The following RAP1GDS1 variants were observed in gnomAD, a reference collection of about 807,000 sequenced individuals.
RAP1GDS1 encodes Rap1 GTPase-GDP dissociation stimulator 1.
Under a neutral mutation model 71.1 loss-of-function variants are expected in RAP1GDS1, and 35 were observed. The observed-to-expected ratio is 0.49, with a 90% CI of 0.38 to 0.65. RAP1GDS1 has a LOEUF of 0.65. RAP1GDS1 is among the 30% of genes least tolerant of loss of function. RAP1GDS1 has a pLI of 0.00. For synonymous variants in RAP1GDS1, 229 were observed against 243.1 expected (o/e 0.94, Z 0.54); for missense variants, 663 against 706.1 (o/e 0.94, Z 0.69).
rs2110239009 is a variant in RAP1GDS1, at chr4:98,443,828, T to G, written c.*1711T>G. 1 of 179,264 alleles carries G rather than the reference T, an allele frequency of 5.6e-6. No individual in the cohort carries two copies. Among genetic ancestry groups the G allele is most frequent in the South Asian group, 2.0e-4 (1 of 5,058 alleles). The allele number at this position is 179,264 out of a possible 1,614,324, so 11.1% of individuals were successfully genotyped here. On this transcript the variant is annotated 3_prime_UTR_variant, in exon 15 of 15. Transcript: ENST00000408927. ...CTGTAATGTTGCATATCTGTTCATA[T>G]TAATAACTTAATAAATAGTATATGA...
At chr4:98,390,360 A>T (rs1266991012) in intron 5 of RAP1GDS1, among the ~76,000 whole-genome samples, 2 of 152,184 alleles carry the variant, frequency 1.3e-5, no homozygotes, top group Non-Finnish European at 2.9e-5. Context: ...TTAGTTGAGT[A>T]TATTTTAATT....
intron 1 of RAP1GDS1, among the ~76,000 whole-genome samples, chr4:98,266,744 G>A (rs1722762639): frequency 6.6e-6 from 1 of 152,074 alleles, no homozygotes; most frequent in African/African-American, 2.4e-5. Context: ...ACTATCCTTG[G>A]TAGTCATATT....
At chr4:98,337,315 CT>C (rs1306432341) in intron 2 of RAP1GDS1, among the ~76,000 whole-genome samples, 2 of 152,158 alleles carry the variant, frequency 1.3e-5, no homozygotes, top group Non-Finnish European at 2.9e-5. Context: ...AGTTGTCTTA[CT>C]TTAGTTCTTA....
intron 2 of RAP1GDS1, among the ~76,000 whole-genome samples, chr4:98,339,509 A>C (rs1158363993): frequency 6.6e-6 from 1 of 152,172 alleles, no homozygotes; most frequent in East Asian, 1.9e-4. Context: ...GGCTACAGAT[A>C]GTGAAGAGTC....
intron 1 of RAP1GDS1, among the ~76,000 whole-genome samples, chr4:98,273,697 T>C (rs1007200571): frequency 5.9e-5 from 9 of 152,192 alleles, no homozygotes; most frequent in African/African-American, 2.2e-4. Context: ...TATATGATCT[T>C]AATGAGCATA....
chr4:98,407,507 C>T (rs191783303), intron 7 of RAP1GDS1, among the ~76,000 whole-genome samples: 10 of 151,846 alleles, frequency 6.6e-5, no homozygotes, highest in Non-Finnish European at 1.0e-4. Flanking sequence ...GAATACTACT[C>T]AGCTATAAAA....
At chr4:98,389,936 G>A (rs1475589139) in intron 5 of RAP1GDS1, among the ~76,000 whole-genome samples, 1 of 152,160 alleles carries the variant, frequency 6.6e-6, no homozygotes, top group Non-Finnish European at 1.5e-5. Context: ...GAGGGGGTGT[G>A]TGATGCTTAC....
At chr4:98,375,977 A>T (rs1578644347) in intron 4 of RAP1GDS1, among the ~76,000 whole-genome samples, 1 of 152,060 alleles carries the variant, frequency 6.6e-6, no homozygotes, top group African/African-American at 2.4e-5. Context: ...TTTGTGAGAC[A>T]TGATAACCAT....
At chr4:98,321,240 G>C (rs1731829963) in intron 2 of RAP1GDS1, among the ~76,000 whole-genome samples, 1 of 144,656 alleles carries the variant, frequency 6.9e-6, no homozygotes, top group African/African-American at 2.6e-5. Context: ...AAAAAGAAAT[G>C]AGCAAAGCCT....
chr4:98,404,168 AAT>A (rs1206259779), intron 6 of RAP1GDS1, among the ~76,000 whole-genome samples: 2 of 152,188 alleles, frequency 1.3e-5, no homozygotes, highest in Non-Finnish European at 2.9e-5. Flanking sequence ...ATCCATATAA[AAT>A]ATGTTATGAG....
intron 12 of RAP1GDS1, among the ~76,000 whole-genome samples, chr4:98,432,866 C>T (rs1750629273): frequency 6.6e-6 from 1 of 151,902 alleles, no homozygotes; most frequent in South Asian, 2.1e-4. Flanking sequence ...GGAATGAAGA[C>T]CAAAAAGGGT....
At chr4:98,314,932 A>G (rs1280194105) in intron 2 of RAP1GDS1, among the ~76,000 whole-genome samples, 2 of 152,156 alleles carry the variant, frequency 1.3e-5, no homozygotes, top group Non-Finnish European at 2.9e-5. Flanking sequence ...AATACCAGTC[A>G]TCTACTTTTT....
intron 1 of RAP1GDS1, among the ~76,000 whole-genome samples, chr4:98,274,163 G>C (rs376796066): frequency 6.6e-6 from 1 of 152,136 alleles, no homozygotes; most frequent in African/African-American, 2.4e-5. Flanking sequence ...TTAGGAAACT[G>C]TCAAATTTGC....
chr4:98,414,439 G>A (rs1294266762), intron 7 of RAP1GDS1, among the ~76,000 whole-genome samples: 1 of 143,196 alleles, frequency 7.0e-6, no homozygotes. Context: ...CATATGGCTA[G>A]CCAGTTTTCC....
chr4:98,432,062 C>A (rs1750494159), intron 12 of RAP1GDS1, among the ~76,000 whole-genome samples: 1 of 152,058 alleles, frequency 6.6e-6, no homozygotes, highest in African/African-American at 2.4e-5. Context: ...AGGTATTTCT[C>A]CTAATGCTAT....
chr4:98,325,738 C>G (rs1044749318), intron 2 of RAP1GDS1, among the ~76,000 whole-genome samples: 68 of 130,730 alleles, frequency 5.2e-4, no homozygotes, highest in Middle Eastern at 4.8e-3. Flanking sequence ...CACATGGACA[C>G]AGGAAGGGGA....
intron 4 of RAP1GDS1, among the ~76,000 whole-genome samples, chr4:98,376,078 T>C (rs1051886919): frequency 6.6e-6 from 1 of 152,146 alleles, no homozygotes; most frequent in Non-Finnish European, 1.5e-5. Flanking sequence ...TCTTAGCTAA[T>C]GTGAAGAATG....
chr4:98,355,838 G>A (rs953892743), intron 4 of RAP1GDS1, among the ~76,000 whole-genome samples: 35 of 152,202 alleles, frequency 2.3e-4, no homozygotes, highest in African/African-American at 8.2e-4. Flanking sequence ...CTGGCATACC[G>A]CTAAATGGGA....
At chr4:98,285,339 G>A (rs1725813166) in intron 1 of RAP1GDS1, among the ~76,000 whole-genome samples, 1 of 152,124 alleles carries the variant, frequency 6.6e-6, no homozygotes, top group Non-Finnish European at 1.5e-5. Context: ...TTAATTGACT[G>A]TTCTAGCAGC....
Sources: allele counts gnomAD v4.1 joint callset (sites outside exome capture counted in the v4.1 genomes callset), GRCh38; gene constraint gnomAD v4.1.1; transcripts MANE v1.5; gene names NCBI Gene and HGNC (gene_info 2026-07-23, HGNC 2026-07-21).